PLXDC1: variants seen among roughly 807,000 people sequenced by gnomAD.
PLXDC1 encodes the protein plexin domain containing 1, also known as plexin domain-containing protein 1.
In PLXDC1, 39 loss-of-function variants were observed where a neutral mutation model predicts 61.3. The ratio of observed to expected loss-of-function variants is 0.64; its 90% confidence interval spans 0.49 to 0.83. The LOEUF (loss-of-function observed/expected upper bound fraction) is 0.83. PLXDC1 is among the 40% of genes least tolerant of loss of function. The probability of loss-of-function intolerance (pLI) is 0.00; values close to 1 mark genes in which losing one functional copy is unlikely to be tolerated. For synonymous variants in PLXDC1, 212 were observed against 254.5 expected, an observed-to-expected ratio of 0.83 and a Z score of 1.59; for missense variants, 596 against 666.5, an observed-to-expected ratio of 0.89 and a Z score of 1.17.
At chr17:39,143,424 C>A (rs1911997399) in intron 1 of PLXDC1, among the ~76,000 whole-genome samples, 1 of 152,252 alleles carries the variant, frequency 6.6e-6, no homozygotes, top group South Asian at 2.1e-4. Context: ...ACGTGTGCGA[C>A]TATGTGCCTA....
rs550878630 is a variant in PLXDC1, at chr17:39,106,040, C to G, written c.712-87G>C. 108 of 805,834 alleles carry G rather than the reference C, an allele frequency of 1.3e-4. 1 individual carries two copies. Among genetic ancestry groups the G allele is most frequent in the African/African-American group, 1.3e-3 (74 of 56,736 alleles). 49.9% of individuals were successfully genotyped at this position (805,834 alleles called of 1,614,324 possible). A position where few individuals can be genotyped will look rare whatever the true frequency, so the allele number is the denominator to read the frequency against. On this transcript the variant is annotated intron_variant, in intron 6 of 13. Transcript: ENST00000315392. ...CCCTGTGAGCTCCAGACCCATCTTT[C>G]TGGATGGCACCACCTCCTGGAGGAC...
rs191034793 is a variant in PLXDC1 at position 39,107,556 on chromosome 17, G to A, written c.593-31C>T. 1.4e-3 allele frequency: 2,157 copies of A among 1,488,924 alleles called. 3 individuals are homozygous for A. Among genetic ancestry groups the A allele is most frequent in the Non-Finnish European group, 1.7e-3 (1,826 of 1,065,692 alleles). The allele number at this position is 1,488,924 out of a possible 1,614,324, so 92.2% of individuals were successfully genotyped here. A position where few individuals can be genotyped will look rare whatever the true frequency, so the allele number is the denominator to read the frequency against. The stretch of plus-strand genomic sequence containing the variant: ...GAGAAGAACAGAGACCCGGCTGGAC[G>A]GGAGATCATGCAAGGAGCAGGGCCC... On this transcript the variant is annotated intron_variant, in intron 5 of 13. Transcript: ENST00000315392.
chr17:39,151,452 C>T lies in PLXDC1; in HGVS notation c.-15G>A, dbSNP rs2045372181. 7.9e-7 allele frequency: 1 copy of T among 1,262,074 alleles called. No individual in the cohort carries two copies. The highest frequency in any genetic ancestry group is 1.0e-6 in the Non-Finnish European group (1 of 1,003,492). The allele number at this position is 1,262,074 out of a possible 1,614,324, so 78.2% of individuals were successfully genotyped here. On this transcript the variant is annotated 5_prime_UTR_variant, in exon 1 of 14. Coordinates refer to ENST00000315392, the MANE Select transcript of PLXDC1 (RefSeq NM_020405.5). This position sits in a 1 kb window ranked among gnomAD's most constrained non-coding sequence, Gnocchi z 5.2. ...TCGCCTCGCATGGTGGGTGCCCGGA[C>T]CTGCCCCCGGCCTGCTTGCTGCCCC...
chr17:39,095,127 G>A (rs866482111), intron 7 of PLXDC1, among the ~76,000 whole-genome samples: 1 of 152,182 alleles, frequency 6.6e-6, no homozygotes, highest in African/African-American at 2.4e-5. Context: ...GGGCTGGGGG[G>A]CAGAGTTGGG....
At position 39,064,671 on chromosome 17, in the gene PLXDC1, A is replaced by T. The variant is rs766463241; in HGVS notation, c.*3169T>A. On this transcript the variant is annotated 3_prime_UTR_variant, in exon 14 of 14. Coordinates refer to ENST00000315392, the MANE Select transcript of PLXDC1 (RefSeq NM_020405.5). Reference sequence around the variant, plus strand: ...TGGTTTTCCAGTTGCTCCGTGGTTTATCCTTTGTGAAGATGCAAGTGACAA... The same window carrying T: ...TGGTTTTCCAGTTGCTCCGTGGTTTTTCCTTTGTGAAGATGCAAGTGACAA... The T allele has an allele frequency of 6.6e-6, 1 of 152,184 alleles. No individual in the cohort carries two copies. The highest frequency in any genetic ancestry group is 6.5e-5 in the Admixed American group (1 of 15,274). The allele number at this position is 152,184 out of a possible 1,614,324, so 9.4% of individuals were successfully genotyped here. A position where few individuals can be genotyped will look rare whatever the true frequency, so the allele number is the denominator to read the frequency against.
intron 11 of PLXDC1, among the ~76,000 whole-genome samples, chr17:39,074,596 C>T (rs1331846922): frequency 1.3e-5 from 2 of 152,148 alleles, no homozygotes; most frequent in African/African-American, 4.8e-5. Flanking sequence ...TAGGACAGCC[C>T]AGGGGGCTCA....
At chr17:39,091,942 GAGTGAGACTCTATCTCAAAAAAAAA>G (rs1267975701) in intron 7 of PLXDC1, among the ~76,000 whole-genome samples, 5 of 121,902 alleles carry the variant, frequency 4.1e-5, no homozygotes, top group Admixed American at 9.2e-5. Context: ...CTGGGCAACA[GAGTGAGACTCTATCTCAAAAAAAAA>G]AAAAAAAAAA....
chr17:39,139,869 C>A (rs749732791), intron 1 of PLXDC1, 37 bp from the exon 2 acceptor site: 3 of 1,561,598 alleles, frequency 1.9e-6, no homozygotes, highest in Non-Finnish European at 2.6e-6. Flanking sequence ...TGCCAGCAGT[C>A]CGGAATGAAG....
upstream of PLXDC1, among the ~76,000 whole-genome samples, chr17:39,151,897 C>T (rs548567212): frequency 6.6e-6 from 1 of 152,244 alleles, no homozygotes; most frequent in South Asian, 2.1e-4. The surrounding 1 kb of genome is among the most constrained non-coding windows in gnomAD (Gnocchi z 5.2). Flanking sequence ...GCTCCCTTTC[C>T]CTCCTCCGTT....
rs1483062995 is a variant in PLXDC1 at position 39,128,075 on chromosome 17, C to G, written c.255+11579G>C. Among the ~76,000 whole-genome samples the G allele has an allele frequency of 7.6e-5, 8 of 104,856 alleles. 1 individual carries two copies. The highest frequency in any genetic ancestry group is 0.011 in the Middle Eastern group (2 of 182). 68.8% of individuals were successfully genotyped at this position (104,856 alleles called of 152,430 possible). A position where few individuals can be genotyped will look rare whatever the true frequency, so the allele number is the denominator to read the frequency against. On this transcript the variant is annotated intron_variant, in intron 2 of 13. Coordinates refer to ENST00000315392, the MANE Select transcript of PLXDC1 (RefSeq NM_020405.5). ...TCTCTCTCTCTCTCTCTGTCTCTCT[C>G]TCTCTCTCTCTCTCTCTATGTGTAT...
At chr17:39,146,503 C>T (rs1237215751) in intron 1 of PLXDC1, among the ~76,000 whole-genome samples, 1 of 151,928 alleles carries the variant, frequency 6.6e-6, no homozygotes, top group Non-Finnish European at 1.5e-5. Flanking sequence ...ATAGCAAGAC[C>T]CCATCTCTAC....
In PLXDC1 at chr17:39,086,834, C is replaced by A. The variant is rs1452485291; in HGVS notation, c.907+773G>T. Among the ~76,000 whole-genome samples, 14 of 127,936 alleles carry A rather than the reference C, an allele frequency of 1.1e-4. No homozygotes were observed. In the Admixed American group the frequency reaches 1.4e-3, roughly 12 times the overall value. 83.9% of individuals were successfully genotyped at this position (127,936 alleles called of 152,430 possible). A position where few individuals can be genotyped will look rare whatever the true frequency, so the allele number is the denominator to read the frequency against. Reference sequence around the variant, plus strand: ...CCGAGATCACACCACTGCACTCTAGCCTGGGCAACAGAGTGAGACTGTCTC... The same window carrying A: ...CCGAGATCACACCACTGCACTCTAGACTGGGCAACAGAGTGAGACTGTCTC... On this transcript the variant is annotated intron_variant, in intron 8 of 13. Coordinates refer to ENST00000315392, the MANE Select transcript of PLXDC1 (RefSeq NM_020405.5).
chr17:39,092,513 T>C (rs747000394), intron 7 of PLXDC1, among the ~76,000 whole-genome samples: 14 of 152,258 alleles, frequency 9.2e-5, no homozygotes, highest in Non-Finnish European at 1.6e-4. Context: ...ACCTGCTCTG[T>C]GCAGGGGCTG....
intron 4 of PLXDC1, 23 bp downstream of exon 4, chr17:39,108,881 G>A (rs761867558): frequency 1.0e-5 from 16 of 1,587,876 alleles, no homozygotes; most frequent in South Asian, 3.3e-5. Context: ...GACTCTCCCC[G>A]GGGCCCCACG....
chr17:39,134,973 C>T (rs957755276), intron 2 of PLXDC1, among the ~76,000 whole-genome samples: 1 of 152,182 alleles, frequency 6.6e-6, no homozygotes, highest in Non-Finnish European at 1.5e-5. Context: ...CTCATCCTAG[C>T]CCACAAGAAG....
At chr17:39,088,989 G>T (rs1026420571) in intron 7 of PLXDC1, among the ~76,000 whole-genome samples, 3 of 125,400 alleles carry the variant, frequency 2.4e-5, no homozygotes, top group Non-Finnish European at 3.5e-5. Flanking sequence ...AAGAAAGAAA[G>T]AAAGAAAGAG....
At chr17:39,074,794 C>A (rs1909262779) in intron 11 of PLXDC1, among the ~76,000 whole-genome samples, 1 of 152,164 alleles carries the variant, frequency 6.6e-6, no homozygotes, top group South Asian at 2.1e-4. Context: ...GGGCTCAGAA[C>A]ATGCCCTCAG....
At chr17:39,138,297 G>A (rs1262808747) in intron 2 of PLXDC1, among the ~76,000 whole-genome samples, 1 of 152,162 alleles carries the variant, frequency 6.6e-6, no homozygotes, top group African/African-American at 2.4e-5. Context: ...GGTAGGCACA[G>A]AAAACTAAGT....
At chr17:39,107,966 CTA>C in intron 5 of PLXDC1, 155 bp downstream of exon 5, 1 of 890,216 alleles carries the variant, frequency 1.1e-6, no homozygotes, top group Non-Finnish European at 1.8e-6. Context: ...ATTTTTGCCC[CTA>C]TCTGACAGGT....
Sources: gnomAD v4.1 joint callset for allele counts (sites outside exome capture counted in the v4.1 genomes callset) on GRCh38, gnomAD v4.1.1 for gene constraint, Gnocchi (gnomAD v3.1) non-coding constraint, MANE v1.5 for transcripts, NCBI Gene and HGNC (gene_info 2026-07-23, HGNC 2026-07-21) for gene names.